DLGAP2: variants seen among roughly 807,000 people sequenced by gnomAD.
DLGAP2 encodes the protein disks large-associated protein 2.
DLGAP2 carries 26 observed loss-of-function variants against 100.3 expected under a neutral mutation model. The observed-to-expected ratio is 0.26, with a 90% CI of 0.19 to 0.36. DLGAP2 has a LOEUF of 0.36. DLGAP2 is among the 10% of genes least tolerant of loss of function. The pLI, the probability that DLGAP2 is intolerant of heterozygous loss-of-function variation, is 1.00. For synonymous variants in DLGAP2, 886 were observed against 630.1 expected (o/e 1.41, Z -6.08); for missense variants, 1,858 against 1,453.2 (o/e 1.28, Z -4.53).
At chr8:1,144,806 A>T (rs1796577840) in intron 2 of DLGAP2, among the ~76,000 whole-genome samples, 1 of 152,018 alleles carries the variant, frequency 6.6e-6, no homozygotes. Flanking sequence ...GACGGCCTGT[A>T]TGCACAACCA....
intron 1 of DLGAP2, among the ~76,000 whole-genome samples, chr8:893,697 G>A (rs1584869019): frequency 6.6e-6 from 1 of 152,340 alleles, no homozygotes; most frequent in East Asian, 1.9e-4. Flanking sequence ...CTGCCTGCAG[G>A]TCTATCCAGG....
intron 3 of DLGAP2, among the ~76,000 whole-genome samples, chr8:1,448,813 G>T (rs1329598841): frequency 6.6e-6 from 1 of 152,052 alleles, no homozygotes; most frequent in African/African-American, 2.4e-5. Flanking sequence ...ATCAATCATT[G>T]CCCTGATCCG....
chr8:1,047,352 C>T (rs372915458), intron 2 of DLGAP2, among the ~76,000 whole-genome samples: 11 of 152,136 alleles, frequency 7.2e-5, no homozygotes, highest in East Asian at 3.8e-4. Flanking sequence ...CGAAGTCTTT[C>T]GGATTTTGGA....
intron 2 of DLGAP2, among the ~76,000 whole-genome samples, chr8:1,181,312 G>A (rs536389549): frequency 3.9e-5 from 6 of 152,364 alleles, no homozygotes; most frequent in African/African-American, 1.4e-4. Flanking sequence ...TTCGTGGTCT[G>A]TAGAAAAATT....
chr8:1,686,296 C>G (rs1229946099), intron 12 of DLGAP2, among the ~76,000 whole-genome samples: 1 of 152,170 alleles, frequency 6.6e-6, no homozygotes, highest in Non-Finnish European at 1.5e-5. Flanking sequence ...TTTGGAGCAA[C>G]ATGGATGGAA....
intron 3 of DLGAP2, among the ~76,000 whole-genome samples, chr8:1,264,750 A>C (rs1799418499): frequency 6.6e-6 from 1 of 152,214 alleles, no homozygotes; most frequent in African/African-American, 2.4e-5. Context: ...ACTTTAAGGA[A>C]GTGATATGGT....
At position 1,691,620 on chromosome 8, in the gene DLGAP2, G is replaced by A. The variant is rs778372665; in HGVS notation, c.2790G>A (p.Gln930=). The change falls in exon 13 of 15, where the codon CAG becomes CAA. Residue 930 remains glutamine, a synonymous_variant. Transcript: ENST00000637795. ...KFQQFYWLCQ[Q]NMDPSAMPRP... The stretch of plus-strand genomic sequence containing the variant: ...AGCAGTTTTATTGGCTTTGCCAACA[G>A]AATATGGTAAGTGAATCCTCAGTGA... The A allele has an allele frequency of 1.2e-6, 2 of 1,613,502 alleles. No homozygotes were observed. The highest frequency in any genetic ancestry group is 1.7e-5 in the Admixed American group (1 of 59,972).
chr8:1,049,908 G>A (rs1015867801), intron 2 of DLGAP2, among the ~76,000 whole-genome samples: 2 of 152,198 alleles, frequency 1.3e-5, no homozygotes, highest in Admixed American at 6.5e-5. Flanking sequence ...ACATGTGCAG[G>A]CAGGCAGACA....
chr8:1,427,705 A>G (rs1265726340), intron 3 of DLGAP2, among the ~76,000 whole-genome samples: 1 of 152,126 alleles, frequency 6.6e-6, no homozygotes, highest in East Asian at 1.9e-4. Flanking sequence ...TTCCCTGTAC[A>G]AGCTCTCTTC....
chr8:920,456 G>T (rs1427873608), intron 2 of DLGAP2, among the ~76,000 whole-genome samples: 1 of 152,192 alleles, frequency 6.6e-6, no homozygotes, highest in Admixed American at 6.5e-5. Context: ...ATAACAATAA[G>T]CAAATCTAAA....
intron 2 of DLGAP2, among the ~76,000 whole-genome samples, chr8:1,011,028 G>A (rs1031280633): frequency 3.3e-5 from 5 of 152,112 alleles, no homozygotes; most frequent in Non-Finnish European, 5.9e-5. Context: ...CCTGGAATGT[G>A]GGGCCTCAGT....
intron 2 of DLGAP2, among the ~76,000 whole-genome samples, chr8:1,244,457 C>CA (rs1798863978): frequency 6.6e-6 from 1 of 152,146 alleles, no homozygotes; most frequent in Non-Finnish European, 1.5e-5. Flanking sequence ...AAAGAGGTGC[C>CA]ATAGAAACAT....
intron 2 of DLGAP2, among the ~76,000 whole-genome samples, chr8:1,039,289 C>T (rs1184739753): frequency 1.3e-5 from 2 of 148,310 alleles, no homozygotes; most frequent in African/African-American, 2.5e-5. Context: ...TTTCCATGGT[C>T]GGCTCGGTTT....
chr8:1,116,875 C>G (rs942250196), intron 2 of DLGAP2, among the ~76,000 whole-genome samples: 3 of 152,174 alleles, frequency 2.0e-5, no homozygotes, highest in Admixed American at 1.3e-4. Context: ...AATTAGTTGA[C>G]TCTGAGTCTG....
intron 3 of DLGAP2, among the ~76,000 whole-genome samples, chr8:1,277,629 C>T (rs2116942360): frequency 6.6e-6 from 1 of 152,286 alleles, no homozygotes; most frequent in Middle Eastern, 3.4e-3. Flanking sequence ...GAAGTATCAG[C>T]CAGGCAGGTC....
chr8:1,681,462 G>T (rs578160987), intron 12 of DLGAP2, among the ~76,000 whole-genome samples: 2 of 151,846 alleles, frequency 1.3e-5, no homozygotes, highest in East Asian at 3.9e-4. Context: ...GTGAGACCTT[G>T]TCTCTACCAA....
intron 8 of DLGAP2, among the ~76,000 whole-genome samples, chr8:1,634,136 G>A (rs6980498): frequency 0.35 from 53,526 of 152,130 alleles, 12,363 homozygotes; most frequent in African/African-American, 0.66. Flanking sequence ...TCATGTCCTC[G>A]CTGCAAGAAC....
chr8:1,440,057 A>T (rs1797783310), intron 3 of DLGAP2, among the ~76,000 whole-genome samples: 2 of 152,198 alleles, frequency 1.3e-5, no homozygotes, highest in Admixed American at 1.3e-4. Flanking sequence ...GACTCTTCTC[A>T]ACCTCTGAGC....
intron 4 of DLGAP2, among the ~76,000 whole-genome samples, chr8:1,518,809 T>C (rs1800485746): frequency 6.6e-6 from 1 of 152,244 alleles, no homozygotes; most frequent in South Asian, 2.1e-4. Flanking sequence ...CTAGTCACTG[T>C]CTTTGGCTAC....
Sources: allele counts gnomAD v4.1 joint callset (sites outside exome capture counted in the v4.1 genomes callset), GRCh38; gene constraint gnomAD v4.1.1; transcripts MANE v1.5; gene names NCBI Gene and HGNC (gene_info 2026-07-23, HGNC 2026-07-21).